The following LRIT3 variants were observed in gnomAD, a reference collection of about 807,000 sequenced individuals.
LRIT3 encodes leucine-rich repeat, immunoglobulin-like domain and transmembrane domain-containing protein 3.
A neutral mutation model predicts 22.6 loss-of-function variants in LRIT3; 14 were observed. The ratio of observed to expected loss-of-function variants is 0.62; its 90% CI spans 0.41 to 0.97. LRIT3 has a LOEUF of 0.97. Among genes scored for constraint, LRIT3 ranks in the 50% least tolerant of loss-of-function variants. The probability of loss-of-function intolerance (pLI) is 0.00; values close to 1 mark genes in which losing one functional copy is unlikely to be tolerated. For synonymous variants in LRIT3, 306 were observed against 304.5 expected (o/e 1.01, Z -0.05); for missense variants, 783 against 803.0 (o/e 0.98, Z 0.30).
At chr4:109,857,970 A>AC (rs1734443463) in intron 2 of LRIT3, among the ~76,000 whole-genome samples, 1 of 152,206 alleles carries the variant, frequency 6.6e-6, no homozygotes. Flanking sequence ...GGACAGAGTG[A>AC]CCAGATGGTA....
intron 3 of LRIT3, among the ~76,000 whole-genome samples, chr4:109,868,298 C>T (rs765002308): frequency 1.1e-4 from 17 of 152,174 alleles, no homozygotes; most frequent in Non-Finnish European, 1.8e-4. Context: ...TGGTTGGGTG[C>T]GGTGGCTCAC....
intron 1 of LRIT3, 198 bp from the exon 2 acceptor site, chr4:109,851,306 A>G: frequency 1.6e-6 from 1 of 622,774 alleles, no homozygotes; most frequent in Non-Finnish European, 2.7e-6. Context: ...GTGGTTTTCC[A>G]TGGCCACAGA....
chr4:109,854,046 A>C (rs1241965249), intron 2 of LRIT3, among the ~76,000 whole-genome samples: 1 of 152,028 alleles, frequency 6.6e-6, no homozygotes, highest in Non-Finnish European at 1.5e-5. Flanking sequence ...TTTTTTGCTT[A>C]GGACTGTCTT....
intron 1 of LRIT3, among the ~76,000 whole-genome samples, chr4:109,849,985 G>C (rs1260211965): frequency 6.6e-6 from 1 of 152,188 alleles, no homozygotes; most frequent in Non-Finnish European, 1.5e-5. Context: ...ATATAAAATA[G>C]AGATGAAAAG....
At chr4:109,865,082 T>C in intron 2 of LRIT3, 1 of 1,410,034 alleles carries the variant, frequency 7.1e-7, no homozygotes, top group Non-Finnish European at 9.3e-7. Context: ...CCATCTTTGG[T>C]TTCTTTTAGT....
chr4:109,869,963 C>T lies in LRIT3; in HGVS notation c.1214C>T (p.Pro405Leu). The T allele has an allele frequency of 6.2e-7, 1 of 1,614,066 alleles. No individual in the cohort carries two copies. Residue 405 changes from proline to leucine, a missense_variant, in exon 4 of 4, where the codon CCC becomes CTC. Pro to Leu is a moderately conservative substitution (Grantham distance 98). Coordinates refer to ENST00000594814, the MANE Select transcript of LRIT3 (RefSeq NM_198506.5). ...SSFSASTLSP[P>L]STASFSLSPF... ...TTTTCTGCTTCTACTTTGTCTCCTC[C>T]CTCTACTGCTTCCTTCTCTTTATCT...
At position 109,862,842 on chromosome 4, in the gene LRIT3, T is replaced by C. The variant is rs188829453; in HGVS notation, c.590-4799T>C. On this transcript the variant is annotated intron_variant, in intron 2 of 3. Transcript: ENST00000594814. ...GGACAACAGGCAAGTGCCGCCACCA[T>C]ACCTGGCTAATTTTTGTATTTTTGT... Among the ~76,000 whole-genome samples the C allele has an allele frequency of 2.7e-3, 413 of 152,222 alleles. 2 individuals are homozygous for C. Among genetic ancestry groups the C allele is most frequent in the Non-Finnish European group, 5.1e-3 (346 of 67,996 alleles).
intron 2 of LRIT3, among the ~76,000 whole-genome samples, chr4:109,857,961 G>A (rs537248054): frequency 6.6e-6 from 1 of 152,282 alleles, no homozygotes; most frequent in African/African-American, 2.4e-5. Context: ...CTAAAGGAGG[G>A]ACAGAGTGAC....
Position 109,870,441 on chromosome 4 carries a change from C to T in LRIT3, c.1692C>T (p.Asp564=). Residue 564 remains aspartate, a synonymous_variant, in exon 4 of 4, where the codon GAC becomes GAT. Coordinates refer to ENST00000594814, the MANE Select transcript of LRIT3 (RefSeq NM_198506.5). The stretch of plus-strand genomic sequence containing the variant: ...CAAAAGGAGTGCCTCCCCAGAAAGA[C>T]CAATGCATCACCTTTTCTACTGAAA... ...VCPKGVPPQK[D]QCITFSTERV... 6.2e-7 allele frequency: 1 copy of T among 1,614,156 alleles called. No individual in the cohort carries two copies. The highest frequency in any genetic ancestry group is 8.5e-7 in the Non-Finnish European group (1 of 1,180,022).
At chr4:109,867,981 TTTACTAAGC>T in intron 3 of LRIT3, 35 bp downstream of exon 3, 1 of 1,565,358 alleles carries the variant, frequency 6.4e-7, no homozygotes, top group Non-Finnish European at 8.7e-7. Flanking sequence ...ATCAAAGGAG[TTTACTAAGC>T]TTTGAAGTTA....
At chr4:109,852,601 T>TTTA (rs934352350) in intron 2 of LRIT3, among the ~76,000 whole-genome samples, 26 of 151,844 alleles carry the variant, frequency 1.7e-4, no homozygotes, top group Admixed American at 4.6e-4. Flanking sequence ...TCTGGTTCTT[T>TTTA]TTATTATTAT....
At position 109,862,504 on chromosome 4, in the gene LRIT3, A is replaced by G. The variant is rs926839198; in HGVS notation, c.590-5137A>G. On this transcript the variant is annotated intron_variant, in intron 2 of 3. Coordinates refer to ENST00000594814, the MANE Select transcript of LRIT3 (RefSeq NM_198506.5). ...TCAAGCTGGAGTAAATAGACATTTT[A>G]TTTTTGAAGGATTTAAAAATATTTA... Among the ~76,000 whole-genome samples, 41 of 152,216 alleles carry G rather than the reference A, an allele frequency of 2.7e-4. 1 individual carries two copies. The highest frequency in any genetic ancestry group is 7.4e-5 in the Non-Finnish European group (5 of 68,026).
rs17040904 is a variant in LRIT3, at chr4:109,851,555, C to G, written c.168C>G (p.Pro56=). ...TGAACGAGCTGCCTACGAACCTCCC[C>G]GTGGACACTGTGAAGCTTCGCATAG... ...MDMNELPTNL[P]VDTVKLRIEK... is the part of the protein sequence containing the mutation. The change falls in exon 2 of 4, where the codon CCC becomes CCG. Residue 56 remains proline, a synonymous_variant. Transcript: ENST00000594814. 6.4e-7 allele frequency: 1 copy of G among 1,551,526 alleles called. No homozygotes were observed. Among genetic ancestry groups the G allele is most frequent in the Non-Finnish European group, 8.7e-7 (1 of 1,146,916 alleles).
chr4:109,858,861 A>G (rs1226019999), intron 2 of LRIT3, among the ~76,000 whole-genome samples: 5 of 152,210 alleles, frequency 3.3e-5, no homozygotes, highest in Admixed American at 3.3e-4. Context: ...CCACTGATCA[A>G]GAAAATTTTT....
chr4:109,857,288 G>C (rs1734427244), intron 2 of LRIT3, among the ~76,000 whole-genome samples: 1 of 149,026 alleles, frequency 6.7e-6, no homozygotes. Context: ...GGGGGAATAG[G>C]TTGTATGAGA....
chr4:109,867,272 C>T (rs1734704491), intron 2 of LRIT3, among the ~76,000 whole-genome samples: 1 of 152,074 alleles, frequency 6.6e-6, no homozygotes, highest in African/African-American at 2.4e-5. Flanking sequence ...TCTGAGGCCT[C>T]ATCTTTAACA....
intron 2 of LRIT3, 144 bp from the exon 3 acceptor site, chr4:109,867,497 C>T: frequency 1.5e-6 from 1 of 688,104 alleles, no homozygotes; most frequent in East Asian, 2.7e-5. Flanking sequence ...CAGAGCAAAA[C>T]TGACATAAAG....
chr4:109,865,608 A>T (rs948783495), intron 2 of LRIT3, among the ~76,000 whole-genome samples: 1 of 152,206 alleles, frequency 6.6e-6, no homozygotes, highest in African/African-American at 2.4e-5. Flanking sequence ...GAAATTTGTT[A>T]CTTATTCAGA....
At chr4:109,865,129 C>A in intron 2 of LRIT3, 1 of 1,451,870 alleles carries the variant, frequency 6.9e-7, no homozygotes, top group Non-Finnish European at 9.2e-7. Context: ...GCTGATAGAA[C>A]GTTACGGCTG....
Sources: allele counts gnomAD v4.1 joint callset (sites outside exome capture counted in the v4.1 genomes callset), GRCh38; gene constraint gnomAD v4.1.1; transcripts MANE v1.5; gene names NCBI Gene and HGNC (gene_info 2026-07-23, HGNC 2026-07-21).